The following PCDH11Y variants were observed in gnomAD, a reference collection of about 807,000 sequenced individuals.
The protein encoded by PCDH11Y is protocadherin 11 Y-linked.
For synonymous variants in PCDH11Y, 9 were observed against 83.6 expected, an observed-to-expected ratio of 0.11 and a Z score of 4.87; for missense variants, 12 against 224.8, an observed-to-expected ratio of 0.05 and a Z score of 6.05.
chrY:5,074,772 T>C, intron 1 of PCDH11Y, among the ~76,000 whole-genome samples: 1 of 32,364 alleles, frequency 3.1e-5, no homozygotes. Flanking sequence ...CAAAATCTTA[T>C]GTAATGAACC....
chrY:5,354,521 A>T, intron 2 of PCDH11Y, among the ~76,000 whole-genome samples: 1 of 32,580 alleles, frequency 3.1e-5, no homozygotes, highest in Non-Finnish European at 7.5e-5. Flanking sequence ...CCCCAACAAC[A>T]TCATTCTGTG....
intron 4 of PCDH11Y, among the ~76,000 whole-genome samples, chrY:5,729,433 T>G: frequency 3.2e-5 from 1 of 31,558 alleles, no homozygotes; most frequent in Non-Finnish European, 7.7e-5. Context: ...TTGAGAAGTG[T>G]CTGTTTATAT....
chrY:5,497,278 C>T, intron 2 of PCDH11Y, among the ~76,000 whole-genome samples: 1 of 33,321 alleles, frequency 3.0e-5, no homozygotes, highest in Non-Finnish European at 7.4e-5. Flanking sequence ...TAAAAGTGTT[C>T]CTATTTCTCC....
chrY:5,039,711 G>A (rs1569474341), intron 3 of PCDH11Y, among the ~76,000 whole-genome samples: 4 of 33,146 alleles, frequency 1.2e-4, no homozygotes, highest in Non-Finnish European at 3.0e-4. Context: ...TTCTTTTTTC[G>A]TAATCTCTTT....
chrY:5,484,962 A>G (rs2053330296), intron 2 of PCDH11Y, among the ~76,000 whole-genome samples: 1 of 33,468 alleles, frequency 3.0e-5, no homozygotes, highest in East Asian at 7.9e-4. Flanking sequence ...TACAAAAAGG[A>G]TATCTTTCGC....
chrY:5,422,841 A>C, intron 2 of PCDH11Y, among the ~76,000 whole-genome samples: 2 of 33,237 alleles, frequency 6.0e-5, no homozygotes, highest in Admixed American at 2.8e-4. Context: ...AAAATGTTAG[A>C]AGAAAACATA....
At chrY:5,257,927 C>CT (rs2053013260) in intron 2 of PCDH11Y, among the ~76,000 whole-genome samples, 67 of 22,009 alleles carry the variant, frequency 3.0e-3, no homozygotes, top group African/African-American at 0.01. Flanking sequence ...GGTCCCAGGC[C>CT]TTTTTTTTTT....
At chrY:5,656,302 T>C (rs2053535986) in intron 4 of PCDH11Y, among the ~76,000 whole-genome samples, 1 of 33,584 alleles carries the variant, frequency 3.0e-5, no homozygotes, top group Non-Finnish European at 7.3e-5. Flanking sequence ...TATCTTCTTA[T>C]ATATTCTTGT....
chrY:5,152,945 C>T (rs2052865323), intron 2 of PCDH11Y, among the ~76,000 whole-genome samples: 2 of 31,888 alleles, frequency 6.3e-5, no homozygotes, highest in East Asian at 8.5e-4. Context: ...GTAAGGAAAT[C>T]GAAGCCCAGA....
At chrY:5,597,389 G>T in intron 4 of PCDH11Y, among the ~76,000 whole-genome samples, 1 of 26,933 alleles carries the variant, frequency 3.7e-5, no homozygotes, top group Non-Finnish European at 8.5e-5. Context: ...ATATATGTGT[G>T]TGTATATATA....
At chrY:5,071,024 C>T (rs2124630672) in intron 1 of PCDH11Y, among the ~76,000 whole-genome samples, 1 of 31,511 alleles carries the variant, frequency 3.2e-5, no homozygotes, top group South Asian at 7.3e-4. Context: ...CCGTATTTAC[C>T]AAATGTTTAC....
chrY:5,408,691 T>A (rs2053243552), intron 2 of PCDH11Y, among the ~76,000 whole-genome samples: 19 of 33,534 alleles, frequency 5.7e-4, no homozygotes, highest in Non-Finnish European at 8.8e-4. Flanking sequence ...TCCACCCATC[T>A]CAGCCTCCCA....
At position 5,343,496 on chromosome Y, in the gene PCDH11Y, G is replaced by T; in HGVS notation, c.3130-157561G>T. 1.5e-4 allele frequency among the ~76,000 whole-genome samples: 5 copies of T among 32,708 alleles called. No homozygotes were observed. In the East Asian group the frequency reaches 4.0e-3, roughly 26 times the overall value. 87.8% of individuals were successfully genotyped at this position (32,708 alleles called of 37,273 possible). ...TTTTGATCTCCTGACCTCATGATCC[G>T]CCCTCCTCAGCCTCCCAAAGTGCTG... On this transcript the variant is annotated intron_variant, in intron 2 of 4. Transcript: ENST00000400457.
At chrY:5,200,626 G>A (rs2052925589) in intron 2 of PCDH11Y, among the ~76,000 whole-genome samples, 3 of 32,360 alleles carry the variant, frequency 9.3e-5, no homozygotes, top group Non-Finnish European at 2.3e-4. Flanking sequence ...CCACTCTGTC[G>A]CCCAGGCTGT....
chrY:5,672,301 T>G (rs1602958398), intron 4 of PCDH11Y, among the ~76,000 whole-genome samples: 4 of 32,256 alleles, frequency 1.2e-4, no homozygotes, highest in East Asian at 1.6e-3. Flanking sequence ...AATTTGAAAG[T>G]ATTCCATCTA....
At chrY:5,314,474 G>A in intron 2 of PCDH11Y, among the ~76,000 whole-genome samples, 1 of 30,718 alleles carries the variant, frequency 3.3e-5, no homozygotes, top group African/African-American at 1.3e-4. Context: ...AACCTTTTCT[G>A]CTTGTTTAGA....
At chrY:5,013,246 A>T in intron 1 of PCDH11Y, among the ~76,000 whole-genome samples, 1 of 33,604 alleles carries the variant, frequency 3.0e-5, no homozygotes, top group African/African-American at 1.2e-4. Flanking sequence ...CAGACTCATA[A>T]CTGGAAAAAA....
chrY:5,423,683 G>A (rs2053260377), intron 2 of PCDH11Y, among the ~76,000 whole-genome samples: 1 of 33,174 alleles, frequency 3.0e-5, no homozygotes, highest in Non-Finnish European at 7.4e-5. Context: ...ATTCACAAAA[G>A]GACGAATACT....
chrY:5,371,599 A>T, intron 2 of PCDH11Y, among the ~76,000 whole-genome samples: 1 of 33,766 alleles, frequency 3.0e-5, no homozygotes, highest in Non-Finnish European at 7.3e-5. Flanking sequence ...CAACTTGAGT[A>T]ATAAATACTC....
Sources: gnomAD v4.1 joint callset for allele counts (sites outside exome capture counted in the v4.1 genomes callset) on GRCh38, gnomAD v4.1.1 for gene constraint, MANE v1.5 for transcripts, NCBI Gene and HGNC (gene_info 2026-07-23, HGNC 2026-07-21) for gene names.